Variants in MARK2 observed in about 807,000 individuals in gnomAD.
MARK2 encodes microtubule affinity regulating kinase 2.
MARK2 carries 16 observed loss-of-function variants against 89.8 expected under a neutral mutation model. The ratio of observed to expected loss-of-function variants is 0.18; its 90% CI spans 0.12 to 0.27. MARK2 has a LOEUF of 0.27. Among genes scored for constraint, MARK2 ranks in the 10% least tolerant of loss-of-function variants. The pLI is 1.00. For missense variants in MARK2, 621 were observed against 1,049.9 expected, an observed-to-expected ratio of 0.59 and a Z score of 5.65; for synonymous variants, 382 against 399.5, an observed-to-expected ratio of 0.96 and a Z score of 0.52.
At chr11:63,845,289 C>T (rs970240126) in intron 1 of MARK2, among the ~76,000 whole-genome samples, 6 of 152,076 alleles carry the variant, frequency 3.9e-5, no homozygotes, top group Non-Finnish European at 7.4e-5. Flanking sequence ...ATGGTGGGGC[C>T]GCCAGTTTCC....
At chr11:63,844,928 T>A (rs1412078102) in intron 1 of MARK2, among the ~76,000 whole-genome samples, 1 of 152,210 alleles carries the variant, frequency 6.6e-6, no homozygotes, top group African/African-American at 2.4e-5. Flanking sequence ...TTATGTCGAC[T>A]TGAATGAATA....
At chr11:63,895,686 T>TTTTG in intron 3 of MARK2, 53 bp downstream of exon 3, 1 of 1,059,840 alleles carries the variant, frequency 9.4e-7, no homozygotes, top group South Asian at 1.4e-5. Flanking sequence ...TTTTTTTTTT[T>TTTTG]GAGTCAGAGC....
chr11:63,905,942 C>T (rs1406972135), intron 16 of MARK2, 146 bp from the exon 17 acceptor site: 6 of 528,248 alleles, frequency 1.1e-5, no homozygotes, highest in Non-Finnish European at 1.8e-5. Flanking sequence ...GCCTGGGACT[C>T]TAGTCTCGCT....
intron 1 of MARK2, among the ~76,000 whole-genome samples, chr11:63,876,581 T>G (rs1157175431): frequency 6.6e-6 from 1 of 152,242 alleles, no homozygotes; most frequent in Non-Finnish European, 1.5e-5. Context: ...GCCACCCAGC[T>G]AAATTCTACT....
At chr11:63,869,804 T>G (rs1213786577) in intron 1 of MARK2, among the ~76,000 whole-genome samples, 2 of 152,196 alleles carry the variant, frequency 1.3e-5, no homozygotes, top group East Asian at 3.9e-4. Flanking sequence ...TAAGTCAAGG[T>G]CAGGAAGCGA....
In MARK2 at chr11:63,900,296, C is replaced by T. The variant is rs549091054; in HGVS notation, c.768+186C>T. ...GAATGAATAACCTCAGTTCCTTTCTCGAAAGATGGGATAAACTGTGTGTGT... is the reference window on the plus strand; with the variant it reads ...GAATGAATAACCTCAGTTCCTTTCTTGAAAGATGGGATAAACTGTGTGTGT... On this transcript the variant is annotated intron_variant, in intron 8 of 18. Coordinates refer to ENST00000402010, the MANE Select transcript of MARK2 (RefSeq NM_001039469.3). This position sits in a 1 kb window ranked among gnomAD's most constrained non-coding sequence, Gnocchi z 4.7. Among the ~76,000 whole-genome samples, 27 of 152,308 alleles carry T rather than the reference C, an allele frequency of 1.8e-4. No individual in the cohort carries two copies. Among genetic ancestry groups the T allele is most frequent in the East Asian group, 1.5e-3 (8 of 5,184 alleles).
chr11:63,863,829 G>A (rs1937964891), intron 1 of MARK2, among the ~76,000 whole-genome samples: 1 of 151,896 alleles, frequency 6.6e-6, no homozygotes. Context: ...CTGGAGTGTA[G>A]TGGCCCAAAC....
chr11:63,867,563 C>G (rs895069194), intron 1 of MARK2, among the ~76,000 whole-genome samples: 1 of 152,124 alleles, frequency 6.6e-6, no homozygotes, highest in South Asian at 2.1e-4. Context: ...TTTCCATTAC[C>G]AAGAGTCTTG....
chr11:63,842,710 G>C (rs1030761344), intron 1 of MARK2, among the ~76,000 whole-genome samples: 1 of 151,932 alleles, frequency 6.6e-6, no homozygotes, highest in African/African-American at 2.4e-5. Flanking sequence ...TTTTAAAAAG[G>C]GGATTTAGTT....
intron 1 of MARK2, among the ~76,000 whole-genome samples, chr11:63,873,010 T>A (rs1938547977): frequency 1.3e-5 from 2 of 150,324 alleles, no homozygotes; most frequent in Non-Finnish European, 3.0e-5. Flanking sequence ...CCGGGGCGCA[T>A]GAGTATGTGA....
chr11:63,888,750 C>A, intron 1 of MARK2: 1 of 1,209,642 alleles, frequency 8.3e-7, no homozygotes, highest in Non-Finnish European at 1.1e-6. Flanking sequence ...CAGGCAGGAA[C>A]CGCTCGGCCT....
chr11:63,841,838 A>ATG (rs2016035420), intron 1 of MARK2, among the ~76,000 whole-genome samples: 1 of 152,126 alleles, frequency 6.6e-6, no homozygotes, highest in South Asian at 2.1e-4. Flanking sequence ...TTTTCCTGTG[A>ATG]TGTGTGTGTT....
At position 63,900,484 on chromosome 11, in the gene MARK2, C is replaced by G. The variant is rs1940770390; in HGVS notation, c.769-75C>G. 3.2e-6 allele frequency: 5 copies of G among 1,541,718 alleles called. No homozygotes were observed. The highest frequency in any genetic ancestry group is 8.8e-7 in the Non-Finnish European group (1 of 1,130,200). On this transcript the variant is annotated intron_variant, in intron 8 of 18. Coordinates refer to ENST00000402010, the MANE Select transcript of MARK2 (RefSeq NM_001039469.3). The surrounding 1 kb of genome is among the most constrained non-coding windows in gnomAD (Gnocchi z 4.7). The stretch of plus-strand genomic sequence containing the variant: ...GTCTGCTTTGCCAGGCTTAAGCTCT[C>G]AGGATCTTGGATATTAGGTTTCTTC...
intron 1 of MARK2, among the ~76,000 whole-genome samples, chr11:63,865,479 G>A (rs1458470943): frequency 1.3e-5 from 2 of 152,146 alleles, no homozygotes; most frequent in South Asian, 2.1e-4. Flanking sequence ...GCCCCTTCCC[G>A]TACCCCATCT....
At chr11:63,853,267 C>T (rs981957940) in intron 1 of MARK2, among the ~76,000 whole-genome samples, 11 of 152,008 alleles carry the variant, frequency 7.2e-5, no homozygotes, top group Admixed American at 4.6e-4. Flanking sequence ...GGCGTGGTGG[C>T]GCATGCCTGT....
At chr11:63,883,375 G>T (rs1939214597) in intron 1 of MARK2, among the ~76,000 whole-genome samples, 1 of 152,000 alleles carries the variant, frequency 6.6e-6, no homozygotes, top group Non-Finnish European at 1.5e-5. Flanking sequence ...TGTTATAGAG[G>T]GAATACCAGG....
At chr11:63,906,723 T>G (rs941173304) in intron 17 of MARK2, among the ~76,000 whole-genome samples, 1 of 151,918 alleles carries the variant, frequency 6.6e-6, no homozygotes, top group Non-Finnish European at 1.5e-5. Context: ...CCCCAAGGTT[T>G]CAGTCTGGCT....
chr11:63,883,279 C>A (rs1939207526), intron 1 of MARK2, among the ~76,000 whole-genome samples: 1 of 152,196 alleles, frequency 6.6e-6, no homozygotes, highest in Non-Finnish European at 1.5e-5. Context: ...TGTCATTCAG[C>A]TACTCCTCCT....
intron 1 of MARK2, among the ~76,000 whole-genome samples, chr11:63,845,485 C>T (rs1337453706): frequency 3.9e-5 from 6 of 152,110 alleles, no homozygotes; most frequent in Admixed American, 3.9e-4. Flanking sequence ...ATTCTCCAGG[C>T]CTCCTCCCAG....
Sources: gnomAD v4.1 joint callset for allele counts (sites outside exome capture counted in the v4.1 genomes callset) on GRCh38, gnomAD v4.1.1 for gene constraint, Gnocchi (gnomAD v3.1) non-coding constraint, MANE v1.5 for transcripts, NCBI Gene and HGNC (gene_info 2026-07-23, HGNC 2026-07-21) for gene names.